The following DST variants were observed in gnomAD, a reference collection of about 807,000 sequenced individuals.
DST encodes bullous pemphigoid antigen.
In DST, 253 loss-of-function variants were observed where a neutral mutation model predicts 875.2. That is an observed-to-expected ratio of 0.29 (90% CI 0.26 to 0.32). DST has a LOEUF of 0.32. Among genes scored for constraint, DST ranks in the 10% least tolerant of loss-of-function variants. The probability of loss-of-function intolerance (pLI) is 1.00; values close to 1 mark genes in which losing one functional copy is unlikely to be tolerated. For missense variants in DST, 8,287 were observed against 9,111.6 expected, an observed-to-expected ratio of 0.91 and a Z score of 3.68; for synonymous variants, 3,124 against 3,197.1, an observed-to-expected ratio of 0.98 and a Z score of 0.77.
chr6:56,659,372 C>A (rs1009774595), intron 10 of DST, among the ~76,000 whole-genome samples: 1 of 152,010 alleles, frequency 6.6e-6, no homozygotes, highest in African/African-American at 2.4e-5. Flanking sequence ...GTGAAAGAGG[C>A]CAAGTTTACA....
At chr6:56,580,882 G>T (rs1285537422) in intron 49 of DST, among the ~76,000 whole-genome samples, 3 of 150,858 alleles carry the variant, frequency 2.0e-5, no homozygotes, top group Admixed American at 6.6e-5. Flanking sequence ...ACAGGTGCAT[G>T]CCACCATGCC....
intron 34 of DST, among the ~76,000 whole-genome samples, chr6:56,626,224 A>G (rs1179108073): frequency 2.6e-5 from 4 of 152,088 alleles, no homozygotes; most frequent in African/African-American, 9.7e-5. Flanking sequence ...GTGTTTATAA[A>G]TTCTACAGAG....
chr6:56,772,091 T>C (rs1334260369), intron 4 of DST, among the ~76,000 whole-genome samples: 13 of 152,216 alleles, frequency 8.5e-5, no homozygotes, highest in Admixed American at 5.9e-4. Flanking sequence ...GGGTCCAGGT[T>C]ATTTTAGACA....
intron 9 of DST, among the ~76,000 whole-genome samples, chr6:56,673,945 C>T (rs912793153): frequency 1.3e-5 from 2 of 152,128 alleles, no homozygotes; most frequent in Non-Finnish European, 2.9e-5. Context: ...AATACTGTTA[C>T]CATTAGCCAC....
chr6:56,778,235 G>A (rs943029297), intron 4 of DST, among the ~76,000 whole-genome samples: 1 of 151,740 alleles, frequency 6.6e-6, no homozygotes, highest in Non-Finnish European at 1.5e-5. Flanking sequence ...CATGAATTAG[G>A]ATAAAAACAA....
intron 2 of DST, among the ~76,000 whole-genome samples, chr6:56,916,998 A>AC (rs1161913189): frequency 1.9e-4 from 23 of 123,286 alleles, no homozygotes; most frequent in African/African-American, 7.1e-4. Flanking sequence ...AAAAAAAAAA[A>AC]AAAAAAAAAA....
At position 56,607,225 on chromosome 6, in the gene DST, G is replaced by GCTGGGGCTT. The variant is rs1312553284; in HGVS notation, c.7394_7402dup (p.Glu2465_Pro2467dup). On this transcript the variant is annotated inframe_insertion, in exon 40 of 104. Transcript: ENST00000680361. ...CATGGTTTTGTCACTGAATGATAAG[G>GCTGGGGCTT]CTGGGGCTTCACACTTATTTCCATT... 1 of 1,613,252 alleles carries GCTGGGGCTT rather than the reference G, an allele frequency of 6.2e-7. No individual in the cohort carries two copies. The highest frequency in any genetic ancestry group is 1.3e-5 in the African/African-American group (1 of 74,800).
chr6:56,774,516 C>A (rs2099674012), intron 4 of DST, among the ~76,000 whole-genome samples: 1 of 152,180 alleles, frequency 6.6e-6, no homozygotes, highest in African/African-American at 2.4e-5. Context: ...TTCAATGGCT[C>A]TTTTACTGCC....
In DST at chr6:56,463,599, G is replaced by T. The variant is rs2152380156; in HGVS notation, c.22925C>A (p.Ala7642Asp). The T allele has an allele frequency of 1.9e-6, 3 of 1,603,638 alleles. No individual in the cohort carries two copies. In the Admixed American group the frequency reaches 5.0e-5, roughly 27 times the overall value. Residue 7642 changes from alanine to aspartate, a missense_variant, in exon 101 of 104, where the codon GCC becomes GAC. Ala to Asp is a moderately radical substitution (Grantham distance 126). Around this residue, in one of 10 missense-constraint regions of DST, gnomAD observed 240 missense variants for 237.3 expected, o/e 1.01. Transcript: ENST00000680361. ...GGTGGTGGCAGGGACCTGTGGGGAG[G>T]CCGCCTGCGCAGCCTGACTGGACAC... is the stretch of plus-strand genomic sequence containing the variant. ...TSVSSQAAQA[A>D]SPQVPATTTP...
At chr6:56,684,700 T>C (rs2099172068) in intron 9 of DST, among the ~76,000 whole-genome samples, 1 of 152,220 alleles carries the variant, frequency 6.6e-6, no homozygotes, top group Non-Finnish European at 1.5e-5. Context: ...TTTCTTCTGT[T>C]TCAGCAGCCA....
At chr6:56,878,127 T>C (rs1238872952) in intron 3 of DST, among the ~76,000 whole-genome samples, 2 of 152,194 alleles carry the variant, frequency 1.3e-5, no homozygotes, top group Admixed American at 1.3e-4. Context: ...GTGACACAGA[T>C]TAGAGCAACA....
At position 56,504,204 on chromosome 6, in the gene DST, A is replaced by G. The variant is rs58730144; in HGVS notation, c.19465-106T>C. Reference sequence around the variant, plus strand: ...CAATCATAAATCTAAAAGATATTATAGAATTAGACTATTTTATAAAAAATT... The same window carrying G: ...CAATCATAAATCTAAAAGATATTATGGAATTAGACTATTTTATAAAAAATT... On this transcript the variant is annotated intron_variant, in intron 77 of 103. Coordinates refer to ENST00000680361, the MANE Select transcript of DST (RefSeq NM_001374736.1). 0.04 allele frequency: 29,072 copies of G among 718,188 alleles called. 805 individuals are homozygous for G. Among genetic ancestry groups the G allele is most frequent in the African/African-American group, 0.091 (4,832 of 53,384 alleles). 44.5% of individuals were successfully genotyped at this position (718,188 alleles called of 1,614,324 possible).
chr6:56,489,380 G>A, intron 86 of DST, 110 bp downstream of exon 86: 1 of 1,120,088 alleles, frequency 8.9e-7, no homozygotes, highest in Non-Finnish European at 1.2e-6. Flanking sequence ...GGTTCACACT[G>A]GACCTACATT....
intron 43 of DST, 53 bp from the exon 44 acceptor site, chr6:56,601,729 T>A (rs2098448001): frequency 9.8e-7 from 1 of 1,023,942 alleles, no homozygotes; most frequent in Admixed American, 2.9e-5. Context: ...ATGATAAAAT[T>A]TATATTAACA....
chr6:56,861,600 T>C (rs1771202444), intron 3 of DST, among the ~76,000 whole-genome samples: 1 of 152,224 alleles, frequency 6.6e-6, no homozygotes, highest in South Asian at 2.1e-4. Flanking sequence ...GTATCTGCAC[T>C]AAAGGCCCCA....
intron 4 of DST, among the ~76,000 whole-genome samples, chr6:56,826,881 C>T (rs1003414889): frequency 1.3e-5 from 2 of 152,204 alleles, no homozygotes; most frequent in Admixed American, 1.3e-4. Flanking sequence ...TCTCCAAAGA[C>T]AGTAACAAGT....
intron 4 of DST, among the ~76,000 whole-genome samples, chr6:56,811,281 T>C (rs1037927146): frequency 3.5e-5 from 5 of 144,698 alleles, no homozygotes; most frequent in Non-Finnish European, 7.5e-5. Flanking sequence ...TCCCTGACAG[T>C]AGAGAAAGGA....
chr6:56,468,163 ATAAAAT>A (rs752132017), intron 98 of DST, among the ~76,000 whole-genome samples: 15 of 151,700 alleles, frequency 9.9e-5, no homozygotes, highest in African/African-American at 3.6e-4. Flanking sequence ...CCAAAGTAAA[ATAAAAT>A]AAAATAAAAT....
rs2095584687 is a variant in DST at position 56,486,786 on chromosome 6, T to C, written c.21047+318A>G. Among the ~76,000 whole-genome samples the C allele has an allele frequency of 2.0e-5, 3 of 152,058 alleles. No individual in the cohort carries two copies. In the South Asian group the frequency reaches 6.2e-4, roughly 32 times the overall value. On this transcript the variant is annotated intron_variant, in intron 87 of 103. Coordinates refer to ENST00000680361, the MANE Select transcript of DST (RefSeq NM_001374736.1). ...TTTACATTTTTAAAAGACTATCCAG[T>C]AGTTATGTAGAAATTAAGTCAAAGA...
Sources: allele counts gnomAD v4.1 joint callset (sites outside exome capture counted in the v4.1 genomes callset), GRCh38; gene constraint gnomAD v4.1.1; regional missense constraint gnomAD v4.1.1; transcripts MANE v1.5; gene names NCBI Gene and HGNC (gene_info 2026-07-23, HGNC 2026-07-21).